PRIM2: variants seen among roughly 807,000 people sequenced by gnomAD.
PRIM2 encodes the protein DNA primase subunit 2, also known as DNA primase large subunit.
PRIM2 carries 39 observed loss-of-function variants against 67.3 expected under a neutral mutation model. The ratio of observed to expected loss-of-function variants is 0.58; its 90% confidence interval spans 0.45 to 0.76. The LOEUF (loss-of-function observed/expected upper bound fraction) is 0.76. Among genes scored for constraint, PRIM2 ranks in the 30% least tolerant of loss-of-function variants. The pLI is 0.00. For missense variants in PRIM2, 398 were observed against 598.7 expected, an observed-to-expected ratio of 0.66 and a Z score of 3.50; for synonymous variants, 143 against 198.7, an observed-to-expected ratio of 0.72 and a Z score of 2.36.
the PRIM2 span, among the ~76,000 whole-genome samples, chr6:57,277,938 C>T: frequency 7.7e-4 from 114 of 148,960 alleles, no homozygotes; most frequent in African/African-American, 2.6e-3. Context: ...GAGCCGAGAT[C>T]GTGCCACTGC....
chr6:57,231,032 C>G, the PRIM2 span, among the ~76,000 whole-genome samples: 1 of 152,190 alleles, frequency 6.6e-6, no homozygotes, highest in African/African-American at 2.4e-5. Flanking sequence ...ACCTCTTGAG[C>G]AGAATGGTGA....
chr6:57,390,993 A>T (rs1770324194), intron 7 of PRIM2, among the ~76,000 whole-genome samples: 1 of 151,574 alleles, frequency 6.6e-6, no homozygotes. Context: ...ACTAATTTAC[A>T]CTCCCTCCAA....
intron 12 of PRIM2, among the ~76,000 whole-genome samples, chr6:57,625,691 G>A (rs1776938470): frequency 6.6e-6 from 1 of 152,172 alleles, no homozygotes; most frequent in African/African-American, 2.4e-5. Context: ...GGAGAGAAAA[G>A]GGTAGATTTT....
chr6:57,436,418 ATT>A (rs1772015829), intron 7 of PRIM2, among the ~76,000 whole-genome samples: 1 of 152,336 alleles, frequency 6.6e-6, no homozygotes, highest in Non-Finnish European at 1.5e-5. Context: ...AGAAATTCCT[ATT>A]TAAATGTTTG....
chr6:57,496,038 G>T (rs1172917049), intron 7 of PRIM2, among the ~76,000 whole-genome samples: 3 of 152,132 alleles, frequency 2.0e-5, no homozygotes, highest in Non-Finnish European at 4.4e-5. Flanking sequence ...GAGCCACTGC[G>T]CCCAGCCCAC....
chr6:57,583,698 G>T (rs1465070055), intron 10 of PRIM2, among the ~76,000 whole-genome samples: 4 of 152,146 alleles, frequency 2.6e-5, no homozygotes, highest in African/African-American at 9.7e-5. Flanking sequence ...CCCAGTAATG[G>T]GATGGCTGGG....
chr6:57,640,571 A>G (rs1777212723), intron 13 of PRIM2, among the ~76,000 whole-genome samples: 1 of 152,178 alleles, frequency 6.6e-6, no homozygotes, highest in African/African-American at 2.4e-5. Flanking sequence ...GCAAAATCAC[A>G]AGCATTCCTA....
At chr6:57,395,155 A>T (rs1336729363) in intron 7 of PRIM2, among the ~76,000 whole-genome samples, 1 of 152,050 alleles carries the variant, frequency 6.6e-6, no homozygotes, top group East Asian at 1.9e-4. Flanking sequence ...TGGTTTTGGT[A>T]TTAGGGCGAT....
At chr6:57,320,809 T>C (rs1767630564) in intron 3 of PRIM2, among the ~76,000 whole-genome samples, 1 of 152,206 alleles carries the variant, frequency 6.6e-6, no homozygotes, top group Non-Finnish European at 1.5e-5. Flanking sequence ...GATTGTTCTG[T>C]GCACTGTAGG....
chr6:57,480,874 G>T (rs1773607406), intron 7 of PRIM2, among the ~76,000 whole-genome samples: 1 of 152,140 alleles, frequency 6.6e-6, no homozygotes, highest in Admixed American at 6.5e-5. Flanking sequence ...GATCTGCCTG[G>T]CTCTGCCTCC....
the PRIM2 span, among the ~76,000 whole-genome samples, chr6:57,262,831 A>G: frequency 2.6e-5 from 4 of 152,182 alleles, no homozygotes. Flanking sequence ...TCTTTCTAGA[A>G]GGAGGTCAGA....
intron 10 of PRIM2, among the ~76,000 whole-genome samples, chr6:57,575,689 C>T (rs1224390627): frequency 2.0e-5 from 3 of 152,074 alleles, no homozygotes; most frequent in Non-Finnish European, 2.9e-5. Context: ...TTTTAATATT[C>T]AGTTTAATTA....
At chr6:57,553,290 A>C (rs1304973304) in intron 10 of PRIM2, among the ~76,000 whole-genome samples, 1 of 152,182 alleles carries the variant, frequency 6.6e-6, no homozygotes, top group Non-Finnish European at 1.5e-5. Context: ...CTCTTTACCA[A>C]CAAAGGAAAG....
intron 7 of PRIM2, among the ~76,000 whole-genome samples, chr6:57,386,277 T>C (rs1770144611): frequency 6.6e-6 from 1 of 151,374 alleles, no homozygotes; most frequent in African/African-American, 2.4e-5. Context: ...AAATAGCCAG[T>C]CGTGGTGGCA....
chr6:57,334,847 T>C (rs147774328), intron 5 of PRIM2, among the ~76,000 whole-genome samples: 9 of 152,302 alleles, frequency 5.9e-5, no homozygotes, highest in Non-Finnish European at 8.8e-5. Flanking sequence ...ATGTTTTTAC[T>C]GCAATTAAAA....
chr6:57,577,424 T>C lies in PRIM2; in HGVS notation c.1021-23669T>C, dbSNP rs1244912967. Among the ~76,000 whole-genome samples the C allele has an allele frequency of 2.2e-5, 3 of 139,098 alleles. No homozygotes were observed. In the East Asian group the frequency reaches 6.8e-4, roughly 32 times the overall value. 91.3% of individuals were successfully genotyped at this position (139,098 alleles called of 152,430 possible). On this transcript the variant is annotated intron_variant, in intron 10 of 13. Transcript: ENST00000615550. ...TTGTACTTTTCCATTGCCTGGTATA[T>C]AAATTTTTTTTTTTTTTTTTTTTGA...
At chr6:57,357,618 A>T in intron 5 of PRIM2, among the ~76,000 whole-genome samples, 1 of 145,166 alleles carries the variant, frequency 6.9e-6, no homozygotes, top group South Asian at 2.2e-4. Context: ...TTTTTGAGAC[A>T]GTTTCGCTCT....
chr6:57,332,038 C>G (rs1307820863), intron 5 of PRIM2, among the ~76,000 whole-genome samples: 1 of 151,822 alleles, frequency 6.6e-6, no homozygotes, highest in African/African-American at 2.4e-5. Context: ...ACATTTACAG[C>G]TATAAATTTT....
chr6:57,589,573 A>G (rs1219039393), intron 10 of PRIM2, among the ~76,000 whole-genome samples: 2 of 152,136 alleles, frequency 1.3e-5, no homozygotes, highest in African/African-American at 4.8e-5. Flanking sequence ...CTGAGATTTG[A>G]ATTATTTAGC....
Sources: gnomAD v4.1 joint callset for allele counts (sites outside exome capture counted in the v4.1 genomes callset) on GRCh38, gnomAD v4.1.1 for gene constraint, MANE v1.5 for transcripts, NCBI Gene and HGNC (gene_info 2026-07-23, HGNC 2026-07-21) for gene names.